ANO1: variants seen among roughly 807,000 people sequenced by gnomAD.
ANO1 encodes anoctamin-1.
ANO1 carries 59 observed loss-of-function variants against 124.0 expected under a neutral mutation model. The ratio of observed to expected loss-of-function variants is 0.48; its 90% confidence interval spans 0.39 to 0.59. ANO1 has a LOEUF of 0.59. ANO1 is among the 20% of genes least tolerant of loss of function. The probability of loss-of-function intolerance (pLI) is 0.00; values close to 1 mark genes in which losing one functional copy is unlikely to be tolerated. For missense variants in ANO1, 1,059 were observed against 1,328.0 expected, an observed-to-expected ratio of 0.80 and a Z score of 3.15; for synonymous variants, 529 against 532.0, an observed-to-expected ratio of 0.99 and a Z score of 0.08.
chr11:70,179,092 G>A (rs1016314484), intron 22 of ANO1, among the ~76,000 whole-genome samples: 5 of 152,224 alleles, frequency 3.3e-5, no homozygotes, highest in African/African-American at 4.8e-5. Context: ...GGGCAGAAGC[G>A]CTATGTACAG....
intron 21 of ANO1, among the ~76,000 whole-genome samples, chr11:70,169,450 C>A (rs1055368225): frequency 6.6e-6 from 1 of 150,896 alleles, no homozygotes; most frequent in African/African-American, 2.4e-5. Context: ...CACCTCCCCG[C>A]CCCCCTGCAC....
chr11:69,999,156 G>A (rs1440562438), intron 1 of ANO1, among the ~76,000 whole-genome samples: 2 of 152,106 alleles, frequency 1.3e-5, no homozygotes, highest in Non-Finnish European at 2.9e-5. Context: ...GAAGCATGGC[G>A]GCATCTGCTC....
chr11:70,103,354 G>A (rs373988470), intron 3 of ANO1, among the ~76,000 whole-genome samples, 190 bp downstream of exon 3: 24 of 152,046 alleles, frequency 1.6e-4, no homozygotes, highest in African/African-American at 5.1e-4. Context: ...GGTCCTGACC[G>A]TGGTGAATAT....
chr11:70,090,644 C>T (rs1422125681), intron 2 of ANO1, among the ~76,000 whole-genome samples: 1 of 152,198 alleles, frequency 6.6e-6, no homozygotes, highest in Non-Finnish European at 1.5e-5. Flanking sequence ...TTCCAAGTCT[C>T]ATTAAATACT....
intron 11 of ANO1, among the ~76,000 whole-genome samples, chr11:70,136,881 C>T (rs2046974498): frequency 1.4e-5 from 2 of 147,574 alleles, no homozygotes; most frequent in Admixed American, 7.1e-5. Flanking sequence ...AGAATGGGAG[C>T]CGTGGGTCCG....
rs1197034257 is a variant in ANO1, at chr11:70,099,285, CAT to C, written c.442-3780_442-3779del. Among the ~76,000 whole-genome samples the C allele has an allele frequency of 6.6e-5, 10 of 152,272 alleles. No individual in the cohort carries two copies. The East Asian group carries it at 1.9e-3, about 29-fold the overall frequency. Reference sequence around the variant, plus strand: ...GGGCACCATGCTTTAAAACATCCCACATGTGTTTTTGCCGAACTGGTCTCATG... The same window carrying C: ...GGGCACCATGCTTTAAAACATCCCACGTGTTTTTGCCGAACTGGTCTCATG... On this transcript the variant is annotated intron_variant, in intron 2 of 25. Transcript: ENST00000355303.
intron 16 of ANO1, 42 bp from the exon 17 acceptor site, chr11:70,161,119 T>G (rs773504224): frequency 1.3e-6 from 2 of 1,576,034 alleles, no homozygotes; most frequent in Non-Finnish European, 1.7e-6. Context: ...AGGAAGGTCC[T>G]GGGTGGGCCC....
the ANO1 span, among the ~76,000 whole-genome samples, chr11:69,975,367 C>T: frequency 5.3e-5 from 8 of 152,240 alleles, no homozygotes; most frequent in Admixed American, 1.3e-4. Context: ...ATGCCTACTA[C>T]GCCCTCCCTG....
chr11:70,165,359 T>G (rs868167465), intron 19 of ANO1, 111 bp from the exon 20 acceptor site: 48 of 889,584 alleles, frequency 5.4e-5, no homozygotes, highest in South Asian at 1.2e-4. Flanking sequence ...CTGAGCGTCT[T>G]TTTTTGGAGG....
chr11:70,141,878 C>T (rs1174439429), intron 11 of ANO1, among the ~76,000 whole-genome samples: 1 of 152,168 alleles, frequency 6.6e-6, no homozygotes, highest in Non-Finnish European at 1.5e-5. Flanking sequence ...AGACAGAAAC[C>T]TGTTACTGCC....
At chr11:69,969,402 T>C in the ANO1 span, among the ~76,000 whole-genome samples, 2 of 152,112 alleles carry the variant, frequency 1.3e-5, no homozygotes, top group Non-Finnish European at 2.9e-5. Context: ...CAGCTCTCTC[T>C]TCTGGAAAAA....
chr11:69,972,727 C>T, the ANO1 span, among the ~76,000 whole-genome samples: 6 of 152,032 alleles, frequency 3.9e-5, no homozygotes, highest in African/African-American at 7.2e-5. Flanking sequence ...TCAGAGAGTT[C>T]GGCATGTTGT....
chr11:70,061,586 C>T (rs1857579247), intron 1 of ANO1, among the ~76,000 whole-genome samples: 1 of 151,074 alleles, frequency 6.6e-6, no homozygotes, highest in Non-Finnish European at 1.5e-5. Flanking sequence ...GCCCTCAAGT[C>T]CTGTCTGCCT....
chr11:70,158,237 G>A lies in ANO1; in HGVS notation c.1578+1216G>A, dbSNP rs150755996. ...AATCCCAGGGACTTCAACCCCCAAT[G>A]GATTCGGCCTTGGCCGCCTGCTAGC... On this transcript the variant is annotated intron_variant, in intron 16 of 25. Coordinates refer to ENST00000355303, the MANE Select transcript of ANO1 (RefSeq NM_018043.7). 5.3e-5 allele frequency among the ~76,000 whole-genome samples: 8 copies of A among 152,338 alleles called. No individual in the cohort carries two copies. In the East Asian group the frequency reaches 1.5e-3, roughly 29 times the overall value.
chr11:69,972,212 G>A, the ANO1 span, among the ~76,000 whole-genome samples: 11 of 137,370 alleles, frequency 8.0e-5, no homozygotes, highest in African/African-American at 2.1e-4. Flanking sequence ...AAAAAAAAGT[G>A]AAGGTGAAAT....
At chr11:69,998,269 T>C (rs973880056) in intron 1 of ANO1, among the ~76,000 whole-genome samples, 6 of 152,262 alleles carry the variant, frequency 3.9e-5, no homozygotes, top group African/African-American at 1.2e-4. Flanking sequence ...CCCATTAAGA[T>C]ATAAAATAGC....
rs2048457650 is a variant in ANO1 at position 70,171,164 on chromosome 11, G to A, written c.2350+125G>A. The A allele has an allele frequency of 2.2e-6, 3 of 1,351,196 alleles. No individual in the cohort carries two copies. The South Asian group carries it at 4.3e-5, about 19-fold the overall frequency. The allele number at this position is 1,351,196 out of a possible 1,614,324, so 83.7% of individuals were successfully genotyped here. On this transcript the variant is annotated intron_variant, in intron 22 of 25. Coordinates refer to ENST00000355303, the MANE Select transcript of ANO1 (RefSeq NM_018043.7). ...TGTCCCTCCTGGGGCTCTTCACTCA[G>A]CCTTTGCCGGGTGGAGCCTGGGGGC... is the stretch of plus-strand genomic sequence containing the variant.
chr11:70,095,329 G>A (rs2044847503), intron 2 of ANO1, among the ~76,000 whole-genome samples: 1 of 107,460 alleles, frequency 9.3e-6, no homozygotes, highest in Non-Finnish European at 2.0e-5. Context: ...AGGAAAGAAA[G>A]AAAGGAAAGA....
At chr11:70,147,942 G>C (rs1453644618) in intron 11 of ANO1, among the ~76,000 whole-genome samples, 1 of 152,132 alleles carries the variant, frequency 6.6e-6, no homozygotes, top group Non-Finnish European at 1.5e-5. Context: ...AAGTTACTCC[G>C]CTATGAAAAG....
Sources: allele counts gnomAD v4.1 joint callset (sites outside exome capture counted in the v4.1 genomes callset), GRCh38; gene constraint gnomAD v4.1.1; transcripts MANE v1.5; gene names NCBI Gene and HGNC (gene_info 2026-07-23, HGNC 2026-07-21).